THSD7B: variants seen among roughly 807,000 people sequenced by gnomAD.
The protein encoded by THSD7B is thrombospondin type-1 domain-containing protein 7B.
In THSD7B, 138 loss-of-function variants were observed where a neutral mutation model predicts 213.6. The ratio of observed to expected loss-of-function variants is 0.65; its 90% CI spans 0.56 to 0.74. THSD7B has a LOEUF of 0.74. Among genes scored for constraint, THSD7B ranks in the 30% least tolerant of loss-of-function variants. The pLI is 0.00. For missense variants in THSD7B, 1,931 were observed against 1,991.5 expected (o/e 0.97, Z 0.58); for synonymous variants, 742 against 687.0 (o/e 1.08, Z -1.25).
In THSD7B at chr2:137,396,603, A is replaced by G. The variant is rs1381911888; in HGVS notation, c.2501-9010A>G. Among the ~76,000 whole-genome samples, 36 of 138,462 alleles carry G rather than the reference A, an allele frequency of 2.6e-4. No homozygotes were observed. The South Asian group carries it at 2.6e-3, about 10-fold the overall frequency. The allele number at this position is 138,462 out of a possible 152,430, so 90.8% of individuals were successfully genotyped here. A position where few individuals can be genotyped will look rare whatever the true frequency, so the allele number is the denominator to read the frequency against. Reference sequence around the variant, plus strand: ...TTCCAAGTATGTGGTCAATTTTGGAATAGGTGTGGTGTGGTGCTGAAAAAA... The same window carrying G: ...TTCCAAGTATGTGGTCAATTTTGGAGTAGGTGTGGTGTGGTGCTGAAAAAA... On this transcript the variant is annotated intron_variant, in intron 12 of 27. Coordinates refer to ENST00000409968, the MANE Select transcript of THSD7B (RefSeq NM_001316349.2).
chr2:137,455,918 T>C (rs1200962976), intron 15 of THSD7B, among the ~76,000 whole-genome samples: 3 of 152,226 alleles, frequency 2.0e-5, no homozygotes, highest in Non-Finnish European at 4.4e-5. Flanking sequence ...TTTCCCTTTA[T>C]GAGTTCTTCA....
At chr2:137,559,135 C>G (rs889570167) in intron 15 of THSD7B, among the ~76,000 whole-genome samples, 1 of 152,136 alleles carries the variant, frequency 6.6e-6, no homozygotes, top group African/African-American at 2.4e-5. Flanking sequence ...AATGGCCATA[C>G]TGCCCAAGGT....
chr2:137,016,386 T>G (rs1048386842), intron 2 of THSD7B, among the ~76,000 whole-genome samples: 2 of 152,116 alleles, frequency 1.3e-5, no homozygotes, highest in Non-Finnish European at 2.9e-5. Flanking sequence ...TTTGACAAAG[T>G]CGTCTGTCAC....
chr2:137,656,345 G>T (rs2104817051), intron 22 of THSD7B, among the ~76,000 whole-genome samples: 1 of 152,040 alleles, frequency 6.6e-6, no homozygotes, highest in African/African-American at 2.4e-5. Context: ...GAGTGAGAAA[G>T]ATGTTTAGGG....
chr2:136,809,228 G>A (rs1043271132), intron 1 of THSD7B, among the ~76,000 whole-genome samples: 15 of 152,152 alleles, frequency 9.9e-5, no homozygotes, highest in Non-Finnish European at 1.8e-4. Context: ...GGGGTCGTCA[G>A]GGCCCCCTTA....
At chr2:137,117,603 C>T (rs116466635) in intron 5 of THSD7B, among the ~76,000 whole-genome samples, 39 of 152,206 alleles carry the variant, frequency 2.6e-4, no homozygotes, top group African/African-American at 8.9e-4. Context: ...CTCAAGGATA[C>T]TCTCTCTCTG....
In THSD7B at chr2:137,132,218, G is replaced by A. The variant is rs553618458; in HGVS notation, c.1369+16925G>A. 7.7e-4 allele frequency among the ~76,000 whole-genome samples: 117 copies of A among 151,298 alleles called. 1 individual carries two copies. Among genetic ancestry groups the A allele is most frequent in the African/African-American group, 2.8e-3 (117 of 41,308 alleles). ...GTGTATAAGTATGCTTGTGATTTTT[G>A]TACATTGATTTTGTTTCCTGAGACT... On this transcript the variant is annotated intron_variant, in intron 5 of 27. Coordinates refer to ENST00000409968, the MANE Select transcript of THSD7B (RefSeq NM_001316349.2).
intron 20 of THSD7B, among the ~76,000 whole-genome samples, chr2:137,634,401 T>C (rs1325701779): frequency 6.6e-6 from 1 of 152,216 alleles, no homozygotes; most frequent in African/African-American, 2.4e-5. Flanking sequence ...ATATCTACAG[T>C]GCACTGGAGT....
chr2:137,205,684 C>T (rs1428478511), intron 7 of THSD7B, among the ~76,000 whole-genome samples: 9 of 151,974 alleles, frequency 5.9e-5, no homozygotes, highest in African/African-American at 1.2e-4. Flanking sequence ...CTACAAAAAT[C>T]GAGGTGATGG....
At chr2:137,115,024 A>G in intron 4 of THSD7B, 100 bp from the exon 5 acceptor site, 1 of 1,357,916 alleles carries the variant, frequency 7.4e-7, no homozygotes, top group Non-Finnish European at 1.0e-6. Context: ...TGGCCCTAGA[A>G]AGAGAGATTA....
chr2:137,229,723 C>T (rs1395958477), intron 7 of THSD7B, among the ~76,000 whole-genome samples: 1 of 152,064 alleles, frequency 6.6e-6, no homozygotes, highest in Non-Finnish European at 1.5e-5. Context: ...AGCTCAGGCC[C>T]GTGTAAGCAT....
intron 27 of THSD7B, among the ~76,000 whole-genome samples, chr2:137,674,110 A>T (rs1161610173): frequency 6.6e-6 from 1 of 152,070 alleles, no homozygotes; most frequent in Non-Finnish European, 1.5e-5. Context: ...AGGTGATAGT[A>T]TTGTCTCTTT....
At chr2:137,387,477 A>G (rs1398657881) in intron 12 of THSD7B, among the ~76,000 whole-genome samples, 1 of 152,204 alleles carries the variant, frequency 6.6e-6, no homozygotes, top group Non-Finnish European at 1.5e-5. Context: ...AGACAACAAT[A>G]TTCCAAGTTA....
At chr2:136,924,768 G>A (rs1558854299) in intron 2 of THSD7B, among the ~76,000 whole-genome samples, 1 of 152,136 alleles carries the variant, frequency 6.6e-6, no homozygotes, top group Non-Finnish European at 1.5e-5. Flanking sequence ...ACTTGGGAAA[G>A]CGTGATCATT....
intron 12 of THSD7B, among the ~76,000 whole-genome samples, chr2:137,374,549 C>A (rs1685607480): frequency 6.6e-6 from 1 of 152,122 alleles, no homozygotes; most frequent in Admixed American, 6.6e-5. Flanking sequence ...TGGAAAATGC[C>A]TTCTAAGTGA....
At chr2:137,510,017 A>G (rs1048679012) in intron 15 of THSD7B, among the ~76,000 whole-genome samples, 2 of 151,936 alleles carry the variant, frequency 1.3e-5, no homozygotes, top group Non-Finnish European at 2.9e-5. Flanking sequence ...ATGTCTTTGC[A>G]TTAGAATTAT....
In THSD7B at chr2:137,015,520, A is replaced by T. The variant is rs150078911; in HGVS notation, c.140-40900A>T. Reference sequence around the variant, plus strand: ...GGAATTGAGCATCGTGGGTGTGGCTAGGTACTTTCAGGCTTCTGGGCTGAT... The same window carrying T: ...GGAATTGAGCATCGTGGGTGTGGCTTGGTACTTTCAGGCTTCTGGGCTGAT... On this transcript the variant is annotated intron_variant, in intron 2 of 27. Transcript: ENST00000409968. Among the ~76,000 whole-genome samples the T allele has an allele frequency of 4.6e-3, 698 of 152,194 alleles. 6 individuals carry two copies. The highest frequency in any genetic ancestry group is 0.015 in the African/African-American group (639 of 41,556).
At chr2:137,119,293 C>A (rs772441389) in intron 5 of THSD7B, among the ~76,000 whole-genome samples, 31 of 152,172 alleles carry the variant, frequency 2.0e-4, no homozygotes, top group Non-Finnish European at 4.1e-4. Flanking sequence ...AAATTATGTG[C>A]CTGTTATGAG....
chr2:137,077,000 A>G lies in THSD7B; in HGVS notation c.951-17873A>G, dbSNP rs142961962. Among the ~76,000 whole-genome samples, 2,453 of 104,752 alleles carry G rather than the reference A, an allele frequency of 0.023. 172 individuals are homozygous for G. In the East Asian group the frequency reaches 0.29, roughly 12 times the overall value. The allele number at this position is 104,752 out of a possible 152,430, so 68.7% of individuals were successfully genotyped here. A position where few individuals can be genotyped will look rare whatever the true frequency, so the allele number is the denominator to read the frequency against. The stretch of plus-strand genomic sequence containing the variant: ...CTCCCCCCACCCCACAACAGGCCCC[A>G]GTGTGTGATGTTCCTCTTCCTGTTT... On this transcript the variant is annotated intron_variant, in intron 3 of 27. Coordinates refer to ENST00000409968, the MANE Select transcript of THSD7B (RefSeq NM_001316349.2).
Sources: gnomAD v4.1 joint callset for allele counts (sites outside exome capture counted in the v4.1 genomes callset) on GRCh38, gnomAD v4.1.1 for gene constraint, MANE v1.5 for transcripts, NCBI Gene and HGNC (gene_info 2026-07-23, HGNC 2026-07-21) for gene names.